IL16: variants seen among roughly 807,000 people sequenced by gnomAD.
IL16 encodes interleukin 16.
A neutral mutation model predicts 110.1 loss-of-function variants in IL16; 67 were observed. That is an observed-to-expected ratio of 0.61 (90% CI 0.50 to 0.75). IL16 has a LOEUF of 0.75. Among genes scored for constraint, IL16 ranks in the 30% least tolerant of loss-of-function variants. The pLI is 0.00. For synonymous variants in IL16, 689 were observed against 662.9 expected (o/e 1.04, Z -0.61); for missense variants, 1,545 against 1,655.0 (o/e 0.93, Z 1.15).
chr15:81,267,339 C>A (rs1292452476), intron 4 of IL16, among the ~76,000 whole-genome samples: 1 of 152,162 alleles, frequency 6.6e-6, no homozygotes, highest in Non-Finnish European at 1.5e-5. Flanking sequence ...GTTTTGGGGA[C>A]AGGAGTGGGA....
chr15:81,183,552 G>A (rs1032671938), intron 1 of IL16, among the ~76,000 whole-genome samples: 3 of 152,206 alleles, frequency 2.0e-5, no homozygotes, highest in East Asian at 1.9e-4. Flanking sequence ...TAACACTGGC[G>A]AAACTTCAGC....
At chr15:81,237,944 A>T (rs774643357) in intron 2 of IL16, among the ~76,000 whole-genome samples, 6 of 151,930 alleles carry the variant, frequency 3.9e-5, no homozygotes, top group Non-Finnish European at 7.4e-5. Flanking sequence ...TTGCTCTGTC[A>T]CCCAGGCTGG....
At chr15:81,254,811 CA>C (rs1897890281) in intron 2 of IL16, among the ~76,000 whole-genome samples, 1 of 152,160 alleles carries the variant, frequency 6.6e-6, no homozygotes, top group Non-Finnish European at 1.5e-5. Context: ...GAAACCTCTC[CA>C]CCCAGGACAT....
At chr15:81,276,816 G>A (rs1898931755) in intron 6 of IL16, among the ~76,000 whole-genome samples, 1 of 152,148 alleles carries the variant, frequency 6.6e-6, no homozygotes, top group Non-Finnish European at 1.5e-5. Flanking sequence ...TAGAAAAACA[G>A]AATATCCTGA....
intron 1 of IL16, among the ~76,000 whole-genome samples, chr15:81,222,745 GACACAC>G (rs71718505): frequency 0.084 from 12,480 of 148,346 alleles, 512 homozygotes; most frequent in Middle Eastern, 0.099. Context: ...CACACTCACA[GACACAC>G]ACACACACAC....
chr15:81,305,789 T>C, intron 16 of IL16, 119 bp from the exon 17 acceptor site: 1 of 1,267,910 alleles, frequency 7.9e-7, no homozygotes, highest in East Asian at 2.3e-5. Flanking sequence ...CACAATTATC[T>C]TTAATCTTTG....
chr15:81,265,548 GT>G, intron 3 of IL16, 110 bp from the exon 4 acceptor site: 1 of 1,234,618 alleles, frequency 8.1e-7, no homozygotes, highest in Non-Finnish European at 1.1e-6. Flanking sequence ...GTGTTAAGTG[GT>G]TTACAGTCAC....
chr15:81,279,622 G>A lies in IL16; in HGVS notation c.929G>A (p.Cys310Tyr). ...CGCCTGACGGCGCCTCCTTCCCTGT[G>A]CAGCCACCTGTCTCCCCCACTGTGC... is the stretch of plus-strand genomic sequence containing the variant. The part of the protein sequence containing the change: ...RTRLTAPPSL[C>Y]SHLSPPLCRS... Residue 310 changes from cysteine (C) to tyrosine (Y), a missense_variant, in exon 8 of 19, where the codon TGC (cysteine) becomes TAC (tyrosine). Physicochemically the swap from Cys to Tyr is radical, Grantham distance 194. Around this residue, in one of 3 missense-constraint regions of IL16, gnomAD observed 1,185 missense variants for 1,238.8 expected, o/e 0.96. Coordinates refer to ENST00000683961, the MANE Select transcript of IL16 (RefSeq NM_172217.5). The A allele has an allele frequency of 6.2e-7, 1 of 1,614,148 alleles. No individual in the cohort carries two copies. The highest frequency in any genetic ancestry group is 1.1e-5 in the South Asian group (1 of 91,084).
At position 81,278,817 on chromosome 15, in the gene IL16, G is replaced by T. The variant is rs1304754416; in HGVS notation, c.791G>T (p.Gly264Val). The change falls in exon 7 of 19, where the codon GGT becomes GTT. Residue 264 changes from glycine to valine, a missense_variant and splice_region_variant. Gly to Val is a moderately radical substitution (Grantham distance 109). Coordinates refer to ENST00000683961, the MANE Select transcript of IL16 (RefSeq NM_172217.5). ...AAAADGRLQE[G>V]DEILELNGES... ...AGCTACACTTTCTCTCTCTAAACAG[G>T]TGATGAAATTCTGGAGCTCAATGGT... The T allele has an allele frequency of 1.9e-6, 3 of 1,603,454 alleles. No homozygotes were observed. Among genetic ancestry groups the T allele is most frequent in the Non-Finnish European group, 2.6e-6 (3 of 1,170,306 alleles).
Position 81,269,621 on chromosome 15 carries a change from C to T in IL16, c.648C>T (p.Asn216=). The T allele has an allele frequency of 6.2e-7, 1 of 1,613,744 alleles. No individual in the cohort carries two copies. The highest frequency in any genetic ancestry group is 8.5e-7 in the Non-Finnish European group (1 of 1,179,666). ...SGGLQASVIS[N]IVLMKGQAKG... is the part of the protein sequence containing the mutation. ...GCCTCCAGGCTTCAGTCATCTCCAA[C>T]ATCGTGCTGATGAAGGGCCAGGCTA... Residue 216 remains asparagine, a synonymous_variant, in exon 5 of 19, where the codon AAC becomes AAT. Coordinates refer to ENST00000683961, the MANE Select transcript of IL16 (RefSeq NM_172217.5).
Position 81,285,691 on chromosome 15 carries a change from TG to T in IL16, c.1200-6del. 2 of 1,613,926 alleles carry T rather than the reference TG, an allele frequency of 1.2e-6. No homozygotes were observed. Among genetic ancestry groups the T allele is most frequent in the South Asian group, 2.2e-5 (2 of 91,048 alleles). On this transcript the variant is annotated splice_region_variant and splice_polypyrimidine_tract_variant and intron_variant, in intron 9 of 18. Transcript: ENST00000683961. ...TTACTGATGGCTTCTTATTGATGCT[TG>T]CACAGGTGTGGGGACGAGATTGTGG...
chr15:81,287,792 C>G (rs1374032336), intron 10 of IL16, among the ~76,000 whole-genome samples: 1 of 152,200 alleles, frequency 6.6e-6, no homozygotes, highest in African/African-American at 2.4e-5. Flanking sequence ...AATTCAAACC[C>G]AGCCCCATTC....
intron 13 of IL16, among the ~76,000 whole-genome samples, 168 bp downstream of exon 13, chr15:81,297,246 G>A (rs1342004852): frequency 1.3e-5 from 2 of 152,198 alleles, no homozygotes; most frequent in African/African-American, 2.4e-5. Context: ...GCAGCACCGT[G>A]GAGGTGCTGT....
chr15:81,259,535 A>G (rs1898076274), intron 2 of IL16, among the ~76,000 whole-genome samples: 1 of 152,246 alleles, frequency 6.6e-6, no homozygotes, highest in Non-Finnish European at 1.5e-5. Flanking sequence ...TTTGTGTCGC[A>G]TTAGTTTACT....
At chr15:81,229,479 G>A (rs187721002) in intron 2 of IL16, among the ~76,000 whole-genome samples, 2 of 152,200 alleles carry the variant, frequency 1.3e-5, no homozygotes, top group Admixed American at 1.3e-4. Context: ...TTGAGGCAGG[G>A]ATGAACTGGG....
upstream of IL16, among the ~76,000 whole-genome samples, chr15:81,196,295 G>A (rs1895595224): frequency 6.6e-6 from 1 of 152,342 alleles, no homozygotes; most frequent in Non-Finnish European, 1.5e-5. Flanking sequence ...TCCACGGCAC[G>A]TAGTAGGTGT....
intron 3 of IL16, among the ~76,000 whole-genome samples, chr15:81,263,397 A>G (rs1228675689): frequency 7.0e-6 from 1 of 143,260 alleles, no homozygotes; most frequent in Non-Finnish European, 1.5e-5. Flanking sequence ...ACCAGCTTTC[A>G]GTTAACTCAC....
intron 2 of IL16, among the ~76,000 whole-genome samples, chr15:81,229,899 A>G (rs368081164): frequency 1.2e-4 from 19 of 152,200 alleles, no homozygotes; most frequent in African/African-American, 4.3e-4. Context: ...AGGCCCTGTG[A>G]TGTTAGCCTC....
At chr15:81,234,048 A>AT (rs1245295022) in intron 2 of IL16, among the ~76,000 whole-genome samples, 1 of 151,982 alleles carries the variant, frequency 6.6e-6, no homozygotes, top group Non-Finnish European at 1.5e-5. Context: ...ACTAGTGCTG[A>AT]TTTTTTTCTG....
Sources: allele counts gnomAD v4.1 joint callset (sites outside exome capture counted in the v4.1 genomes callset), GRCh38; gene constraint gnomAD v4.1.1; regional missense constraint gnomAD v4.1.1; transcripts MANE v1.5; gene names NCBI Gene and HGNC (gene_info 2026-07-23, HGNC 2026-07-21).